Variants in PDE1C observed in about 807,000 individuals in gnomAD.
PDE1C encodes the protein phosphodiesterase 1C, also known as dual specificity calcium/calmodulin-dependent 3',5'-cyclic nucleotide phosphodiesterase 1C.
A neutral mutation model predicts 93.1 loss-of-function variants in PDE1C; 62 were observed. That is an observed-to-expected ratio of 0.67 (90% CI 0.54 to 0.82). PDE1C has a LOEUF of 0.82. Ranked by LOEUF, PDE1C falls within the 40% of genes least tolerant of loss-of-function variation. The pLI, the probability that PDE1C is intolerant of heterozygous loss-of-function variation, is 0.00. For synonymous variants in PDE1C, 325 were observed against 310.1 expected (o/e 1.05, Z -0.50); for missense variants, 742 against 884.6 (o/e 0.84, Z 2.04).
intron 11 of PDE1C, among the ~76,000 whole-genome samples, chr7:31,828,687 C>T (rs1789998966): frequency 6.6e-6 from 1 of 152,104 alleles, no homozygotes; most frequent in Non-Finnish European, 1.5e-5. Context: ...GCCAGCACTG[C>T]AGGCAGAATT....
intron 1 of PDE1C, among the ~76,000 whole-genome samples, chr7:32,212,771 AC>A (rs899239937): frequency 6.6e-6 from 1 of 151,690 alleles, no homozygotes; most frequent in African/African-American, 2.4e-5. Flanking sequence ...CTCGCCTCAC[AC>A]CCCACCTTCT....
chr7:32,087,328 A>G (rs868320014), intron 3 of PDE1C, among the ~76,000 whole-genome samples: 7 of 151,996 alleles, frequency 4.6e-5, no homozygotes, highest in South Asian at 4.2e-4. Flanking sequence ...TTAGAATGGC[A>G]ATCATTAAAA....
At chr7:31,962,352 T>G (rs934806597) in intron 2 of PDE1C, among the ~76,000 whole-genome samples, 4 of 152,224 alleles carry the variant, frequency 2.6e-5, no homozygotes, top group African/African-American at 9.6e-5. Flanking sequence ...AGTCCTTTAG[T>G]GCTACTTGCA....
intron 2 of PDE1C, among the ~76,000 whole-genome samples, chr7:31,981,977 T>C (rs574527408): frequency 1.3e-5 from 2 of 152,360 alleles, no homozygotes; most frequent in Admixed American, 6.5e-5. Flanking sequence ...ATATATTTTT[T>C]CAGTGCCTTC....
chr7:31,998,229 C>T (rs942791836), intron 2 of PDE1C, among the ~76,000 whole-genome samples: 3 of 152,052 alleles, frequency 2.0e-5, no homozygotes, highest in South Asian at 4.2e-4. Flanking sequence ...CCATGTTAGC[C>T]AGGATGGTCT....
intron 2 of PDE1C, among the ~76,000 whole-genome samples, chr7:32,191,333 C>G (rs1562564241): frequency 6.7e-6 from 1 of 149,862 alleles, no homozygotes; most frequent in Non-Finnish European, 1.5e-5. Flanking sequence ...AGATTTCCAT[C>G]ACCACAAAGA....
chr7:31,837,356 A>T, intron 10 of PDE1C, 56 bp from the exon 11 acceptor site: 1 of 1,466,932 alleles, frequency 6.8e-7, no homozygotes, highest in Non-Finnish European at 9.1e-7. Flanking sequence ...AACCTCAGTA[A>T]GAGTTTTTTA....
chr7:31,928,810 G>C (rs1327039875), intron 2 of PDE1C, among the ~76,000 whole-genome samples: 4 of 152,100 alleles, frequency 2.6e-5, no homozygotes, highest in Non-Finnish European at 4.4e-5. Flanking sequence ...GGAAAAACTG[G>C]TACCAGCCAC....
At chr7:32,426,032 T>C (rs1488917088) in intron 1 of PDE1C, among the ~76,000 whole-genome samples, 1 of 152,094 alleles carries the variant, frequency 6.6e-6, no homozygotes, top group East Asian at 1.9e-4. Flanking sequence ...TGAACTGATA[T>C]CTCCCACACA....
At chr7:31,789,872 C>G in intron 16 of PDE1C, 1 of 1,041,730 alleles carries the variant, frequency 9.6e-7, no homozygotes, top group Non-Finnish European at 1.2e-6. Context: ...TCAGGCCTCT[C>G]CCAGCATATC....
chr7:32,087,424 A>C (rs1797168095), intron 3 of PDE1C, among the ~76,000 whole-genome samples: 1 of 152,134 alleles, frequency 6.6e-6, no homozygotes, highest in Non-Finnish European at 1.5e-5. Context: ...TAGTCCAACC[A>C]TTGTGGAAGT....
At chr7:32,089,766 G>A (rs1563303743) in intron 3 of PDE1C, among the ~76,000 whole-genome samples, 3 of 152,192 alleles carry the variant, frequency 2.0e-5, no homozygotes. Flanking sequence ...CAAGCATGCT[G>A]AGCAATGTGT....
chr7:32,413,856 G>A (rs1340737939), intron 1 of PDE1C, among the ~76,000 whole-genome samples: 1 of 152,106 alleles, frequency 6.6e-6, no homozygotes, highest in Non-Finnish European at 1.5e-5. Context: ...AGAATCCAGG[G>A]AAGTTTATCA....
At chr7:32,076,411 T>C (rs561179748), upstream of PDE1C, among the ~76,000 whole-genome samples, 32 of 151,948 alleles carry the variant, frequency 2.1e-4, no homozygotes, top group African/African-American at 6.8e-4. Context: ...GAGGCCGACG[T>C]GGCCGGATCA....
chr7:31,874,538 A>G (rs77021685), intron 5 of PDE1C, among the ~76,000 whole-genome samples: 2,250 of 152,302 alleles, frequency 0.015, 51 homozygotes, highest in African/African-American at 0.051. Flanking sequence ...TAATCCATCC[A>G]TCCTAATTTT....
At chr7:32,090,563 C>T (rs776589702) in intron 3 of PDE1C, among the ~76,000 whole-genome samples, 5 of 152,154 alleles carry the variant, frequency 3.3e-5, no homozygotes, top group Admixed American at 3.3e-4. Context: ...CACTTCAAAT[C>T]GTTGTTTTAG....
the PDE1C span, among the ~76,000 whole-genome samples, chr7:31,629,667 C>T: frequency 6.6e-6 from 1 of 152,160 alleles, no homozygotes; most frequent in Non-Finnish European, 1.5e-5. Flanking sequence ...TCCTTGCTCA[C>T]TCACCTCTCA....
chr7:32,305,049 C>T (rs115327676), intron 1 of PDE1C, among the ~76,000 whole-genome samples: 2,053 of 152,206 alleles, frequency 0.013, 73 homozygotes, highest in African/African-American at 0.047. Flanking sequence ...TGAGACCGGA[C>T]GTTCTAGGTC....
the PDE1C span, among the ~76,000 whole-genome samples, chr7:31,665,346 GT>G: frequency 1.3e-5 from 2 of 151,962 alleles, no homozygotes; most frequent in Non-Finnish European, 2.9e-5. Context: ...ATCCTATTTT[GT>G]TTCTTTCATA....
Sources: allele counts gnomAD v4.1 joint callset (sites outside exome capture counted in the v4.1 genomes callset), GRCh38; gene constraint gnomAD v4.1.1; transcripts MANE v1.5; gene names NCBI Gene and HGNC (gene_info 2026-07-23, HGNC 2026-07-21).